Variants in SYNJ1 observed in about 807,000 individuals in gnomAD.
SYNJ1 encodes the protein synaptojanin 1.
SYNJ1 carries 78 observed loss-of-function variants against 168.2 expected under a neutral mutation model. That is an observed-to-expected ratio of 0.46 (90% confidence interval 0.39 to 0.56). The LOEUF (loss-of-function observed/expected upper bound fraction) is 0.56, where lower values mean the gene tolerates loss of function less well. Among genes scored for constraint, SYNJ1 ranks in the 20% least tolerant of loss-of-function variants. The pLI is 0.00. For synonymous variants in SYNJ1, 539 were observed against 548.6 expected, an observed-to-expected ratio of 0.98 and a Z score of 0.24; for missense variants, 1,303 against 1,597.6, an observed-to-expected ratio of 0.82 and a Z score of 3.14.
At chr21:32,695,750 T>C (rs2042183532) in intron 4 of SYNJ1, among the ~76,000 whole-genome samples, 1 of 151,320 alleles carries the variant, frequency 6.6e-6, no homozygotes, top group African/African-American at 2.4e-5. Flanking sequence ...GCAACCTCTG[T>C]CTCCCAGGTT....
intron 2 of SYNJ1, among the ~76,000 whole-genome samples, chr21:32,722,428 T>C (rs2043281143): frequency 6.6e-6 from 1 of 151,850 alleles, no homozygotes; most frequent in Admixed American, 6.6e-5. Context: ...TGTGCGCCTG[T>C]AGTCCCAGCT....
At chr21:32,694,712 C>G (rs930920155) in intron 5 of SYNJ1, among the ~76,000 whole-genome samples, 14 of 152,002 alleles carry the variant, frequency 9.2e-5, no homozygotes, top group Non-Finnish European at 1.8e-4. Context: ...TTAGATGGTA[C>G]ACATATTTGC....
chr21:32,656,873 A>G lies in SYNJ1; in HGVS notation c.2609T>C (p.Ile870Thr), dbSNP rs753305423. The change falls in exon 21 of 33, where the codon ATA (isoleucine) becomes ACA (threonine). Residue 870 changes from isoleucine to threonine, a missense_variant. Coordinates refer to ENST00000674351, the MANE Select transcript of SYNJ1 (RefSeq NM_203446.3). ...RPVVALIDID[I>T]FEVEAEERQN... ...CCTCTCTTCAGCTTCAACTTCAAAT[A>G]TATCTATATCAATCAGGGCAACGAC... The G allele has an allele frequency of 6.2e-6, 10 of 1,614,156 alleles. No individual in the cohort carries two copies. In the Admixed American group the frequency reaches 8.3e-5, roughly 13 times the overall value.
At chr21:32,671,748 G>A (rs767015750) in intron 14 of SYNJ1, among the ~76,000 whole-genome samples, 6 of 152,062 alleles carry the variant, frequency 3.9e-5, no homozygotes, top group Non-Finnish European at 8.8e-5. Flanking sequence ...TTCAAGTTAG[G>A]TTCAATTAAG....
chr21:32,685,732 A>C lies in SYNJ1; in HGVS notation c.1118+16T>G, dbSNP rs1180421615. ...AATGTTCCAATTCAAAGAACAGAGAAACAGAACAGTCAAACCTTTGAACTT... is the reference window on the plus strand; with the variant it reads ...AATGTTCCAATTCAAAGAACAGAGACACAGAACAGTCAAACCTTTGAACTT... On this transcript the variant is annotated intron_variant, in intron 9 of 32. Transcript: ENST00000674351. The C allele has an allele frequency of 3.9e-6, 6 of 1,552,104 alleles. No homozygotes were observed.
rs746942972 is a variant in SYNJ1, at chr21:32,673,328, T to C, written c.1726+12A>G. ...GGATTTATTAACTAAATCCATATTA[T>C]AAAAAGCCAACCTTGAAACTCCTGG... On this transcript the variant is annotated intron_variant, in intron 14 of 32. Transcript: ENST00000674351. 1 of 1,599,520 alleles carries C rather than the reference T, an allele frequency of 6.3e-7. No homozygotes were observed.
chr21:32,681,664 A>G lies in SYNJ1; in HGVS notation c.1201-16T>C. 8 of 1,601,300 alleles carry G rather than the reference A, an allele frequency of 5.0e-6. No individual in the cohort carries two copies. Among genetic ancestry groups the G allele is most frequent in the Non-Finnish European group, 6.0e-6 (7 of 1,175,520 alleles). ...TAGCTAGCATCTTAAAAAGCAAACA[A>G]GAAATTTTTATAAGTACATTAATAT... On this transcript the variant is annotated splice_polypyrimidine_tract_variant and intron_variant, in intron 10 of 32. Coordinates refer to ENST00000674351, the MANE Select transcript of SYNJ1 (RefSeq NM_203446.3).
chr21:32,643,305 G>T (rs2039924143), intron 27 of SYNJ1, 105 bp downstream of exon 27: 2 of 1,190,232 alleles, frequency 1.7e-6, no homozygotes, highest in Non-Finnish European at 2.4e-6. Flanking sequence ...GCTGGACCAA[G>T]AAAAGATTTA....
chr21:32,723,169 G>A (rs2043311253), intron 2 of SYNJ1, among the ~76,000 whole-genome samples: 1 of 152,200 alleles, frequency 6.6e-6, no homozygotes, highest in Non-Finnish European at 1.5e-5. Flanking sequence ...CTGCATTAGT[G>A]AACACGTGGG....
intron 32 of SYNJ1, among the ~76,000 whole-genome samples, chr21:32,633,929 G>C (rs1854506916): frequency 6.6e-6 from 1 of 152,166 alleles, no homozygotes; most frequent in South Asian, 2.1e-4. Flanking sequence ...AGACCTATAT[G>C]TGGAAATGTA....
chr21:32,642,801 G>A (rs971694438), intron 27 of SYNJ1, among the ~76,000 whole-genome samples: 13 of 152,208 alleles, frequency 8.5e-5, no homozygotes, highest in African/African-American at 3.1e-4. Context: ...AAAGGAGTAG[G>A]AGTGACTATC....
At chr21:32,676,123 C>G (rs2041397707) in intron 13 of SYNJ1, among the ~76,000 whole-genome samples, 1 of 152,202 alleles carries the variant, frequency 6.6e-6, no homozygotes, top group Admixed American at 6.5e-5. Context: ...ACAAAGAGCA[C>G]TGCACATTTT....
intron 30 of SYNJ1, 83 bp from the exon 31 acceptor site, chr21:32,639,208 C>T: frequency 1.5e-6 from 2 of 1,302,268 alleles, no homozygotes; most frequent in East Asian, 4.7e-5. Flanking sequence ...GTTAGGAGAA[C>T]ATTCTAGTTA....
rs1162976890 is a variant in SYNJ1 at position 32,644,987 on chromosome 21, G to A, written c.3411C>T (p.Pro1137=). ...PPPSGARSPA[P]TRKEFGGIGA... ...GGTTACCTCCAAATTCCTTTCTAGT[G>A]GGTGCAGGACTCCTAGCCCCTTATA... The change falls in exon 26 of 33, where the codon CCC becomes CCT. Residue 1137 remains proline, a synonymous_variant. Coordinates refer to ENST00000674351, the MANE Select transcript of SYNJ1 (RefSeq NM_203446.3). 2 of 1,607,858 alleles carry A rather than the reference G, an allele frequency of 1.2e-6. No individual in the cohort carries two copies. The highest frequency in any genetic ancestry group is 2.3e-5 in the East Asian group (1 of 44,434).
At chr21:32,674,624 T>C (rs545968546) in intron 13 of SYNJ1, among the ~76,000 whole-genome samples, 1 of 350 alleles carries the variant, frequency 2.9e-3, no homozygotes, top group East Asian at 0.056. Context: ...ATCTCTCCCG[T>C]TTTTTTTTTT....
intron 2 of SYNJ1, among the ~76,000 whole-genome samples, chr21:32,726,179 T>C (rs2043446541): frequency 6.6e-6 from 1 of 152,236 alleles, no homozygotes; most frequent in African/African-American, 2.4e-5. Context: ...AAATTAATTT[T>C]AATTTCATCC....
chr21:32,655,781 T>G (rs2040431504), intron 21 of SYNJ1, among the ~76,000 whole-genome samples: 3 of 152,158 alleles, frequency 2.0e-5, no homozygotes, highest in Non-Finnish European at 2.9e-5. Flanking sequence ...CATGCACACA[T>G]GCACATCATT....
chr21:32,677,789 C>T (rs560816470), intron 12 of SYNJ1, among the ~76,000 whole-genome samples: 2 of 152,146 alleles, frequency 1.3e-5, no homozygotes, highest in African/African-American at 4.8e-5. Context: ...ACTTATTTGA[C>T]CAAGTAATTA....
At chr21:32,634,661 A>C (rs2039483961) in intron 32 of SYNJ1, among the ~76,000 whole-genome samples, 200 bp downstream of exon 32, 1 of 152,222 alleles carries the variant, frequency 6.6e-6, no homozygotes, top group African/African-American at 2.4e-5. Context: ...GTAAAGCATT[A>C]GCAAGAACAA....
Sources: gnomAD v4.1 joint callset for allele counts (sites outside exome capture counted in the v4.1 genomes callset) on GRCh38, gnomAD v4.1.1 for gene constraint, MANE v1.5 for transcripts, NCBI Gene and HGNC (gene_info 2026-07-23, HGNC 2026-07-21) for gene names.